The following RECK variants were observed in gnomAD, a reference collection of about 807,000 sequenced individuals.
The protein encoded by RECK is reversion inducing cysteine rich protein with kazal motifs, also known as reversion-inducing cysteine-rich protein with Kazal motifs.
In RECK, 69 loss-of-function variants were observed where a neutral mutation model predicts 115.1. The ratio of observed to expected loss-of-function variants is 0.60; its 90% CI spans 0.49 to 0.73. The LOEUF is 0.73. Among genes scored for constraint, RECK ranks in the 30% least tolerant of loss-of-function variants. The probability of loss-of-function intolerance (pLI) is 0.00; values close to 1 mark genes in which losing one functional copy is unlikely to be tolerated. For missense variants in RECK, 1,047 were observed against 1,203.7 expected (o/e 0.87, Z 1.93); for synonymous variants, 414 against 419.7 (o/e 0.99, Z 0.17).
In RECK at chr9:36,067,890, T is replaced by C. The variant is rs144716621; in HGVS notation, c.405+2266T>C. Among the ~76,000 whole-genome samples, 17 of 152,270 alleles carry C rather than the reference T, an allele frequency of 1.1e-4. No homozygotes were observed. The East Asian group carries it at 1.7e-3, about 16-fold the overall frequency. On this transcript the variant is annotated intron_variant, in intron 6 of 20. Transcript: ENST00000377966. ...AATGAGAGAGGCCTGAAAGGATTGG[T>C]ATAATTTGGGTAAAGACCTAAAGAC...
intron 1 of RECK, among the ~76,000 whole-genome samples, chr9:36,042,803 A>G (rs533126044): frequency 2.0e-5 from 3 of 152,200 alleles, no homozygotes; most frequent in Admixed American, 6.5e-5. Context: ...AGCAATGTAA[A>G]AGTGTTCCCT....
intron 6 of RECK, among the ~76,000 whole-genome samples, chr9:36,067,701 C>T (rs1822063049): frequency 6.6e-6 from 1 of 152,022 alleles, no homozygotes; most frequent in African/African-American, 2.4e-5. Flanking sequence ...TGGAAGCAGA[C>T]TTAGTTTAGA....
chr9:36,092,197 A>G (rs750613261), intron 10 of RECK, among the ~76,000 whole-genome samples: 16 of 152,184 alleles, frequency 1.1e-4, no homozygotes, highest in Non-Finnish European at 2.2e-4. Context: ...TACATCTGAA[A>G]TGTTTGAAAG....
intron 10 of RECK, among the ~76,000 whole-genome samples, chr9:36,099,006 G>A (rs1007267488): frequency 3.3e-5 from 5 of 152,058 alleles, no homozygotes; most frequent in Non-Finnish European, 4.4e-5. Flanking sequence ...TGAGCAGATC[G>A]CTTGGGCCCA....
Position 36,063,900 on chromosome 9 carries a change from C to T in RECK, c.357+20C>T, listed in dbSNP as rs1369010175. On this transcript the variant is annotated intron_variant, in intron 5 of 20. Coordinates refer to ENST00000377966, the MANE Select transcript of RECK (RefSeq NM_021111.3). ...AAGCAGGTAACACTGGGTAGTCAGG[C>T]TCTCAAACATCATGGAGTGCAGTTT... is the stretch of plus-strand genomic sequence containing the variant. The T allele has an allele frequency of 3.1e-6, 5 of 1,609,276 alleles. No homozygotes were observed. The Admixed American group carries it at 8.3e-5, about 27-fold the overall frequency.
intron 11 of RECK, 22 bp from the exon 12 acceptor site, chr9:36,102,072 T>C: frequency 6.2e-7 from 1 of 1,608,500 alleles, no homozygotes; most frequent in East Asian, 2.2e-5. Flanking sequence ...AGCTCTAAAC[T>C]TACGTGCATT....
chr9:36,058,897 C>T lies in RECK; in HGVS notation c.230C>T (p.Thr77Ile). The T allele has an allele frequency of 1.3e-6, 2 of 1,556,820 alleles. No homozygotes were observed. ...CGAGCCCCAGATTATTGCCCAGAGA[C>T]AATGGTAAGTCTTATTGTAACTTAA... ...LQRAPDYCPE[T>I]MVEIWNCMNS... The change falls in exon 3 of 21, where the codon ACA (threonine) becomes ATA (isoleucine). Residue 77 changes from threonine to isoleucine, a missense_variant. Thr to Ile is a moderately conservative substitution (Grantham distance 89). Coordinates refer to ENST00000377966, the MANE Select transcript of RECK (RefSeq NM_021111.3).
intron 17 of RECK, among the ~76,000 whole-genome samples, chr9:36,117,652 G>A (rs936613489): frequency 6.6e-6 from 1 of 152,288 alleles, no homozygotes; most frequent in Admixed American, 6.5e-5. Context: ...TTATCTCTCA[G>A]TTTTGTAGGT....
intron 14 of RECK, among the ~76,000 whole-genome samples, chr9:36,109,579 C>A (rs529990243): frequency 6.6e-6 from 1 of 152,340 alleles, no homozygotes; most frequent in East Asian, 1.9e-4. Context: ...CACAGTGGCT[C>A]ATGCTTGTTA....
chr9:36,049,151 AG>A (rs1303419463), intron 1 of RECK, among the ~76,000 whole-genome samples: 1 of 152,204 alleles, frequency 6.6e-6, no homozygotes, highest in East Asian at 1.9e-4. Context: ...TTATGGAATC[AG>A]GTGCATCATC....
chr9:36,119,961 G>A (rs1564139856), intron 18 of RECK, among the ~76,000 whole-genome samples: 4 of 152,170 alleles, frequency 2.6e-5, no homozygotes, highest in Admixed American at 2.6e-4. Context: ...TCGGTCGGGC[G>A]TGGTGGCTCA....
chr9:36,070,691 G>C (rs538950249), intron 6 of RECK, among the ~76,000 whole-genome samples: 1 of 152,104 alleles, frequency 6.6e-6, no homozygotes, highest in Non-Finnish European at 1.5e-5. Flanking sequence ...GGGGATTTTT[G>C]CAACAGACAG....
chr9:36,082,573 C>T (rs1382007493), intron 7 of RECK, among the ~76,000 whole-genome samples: 2 of 152,206 alleles, frequency 1.3e-5, no homozygotes, highest in East Asian at 3.8e-4. Flanking sequence ...ACAGATCCCA[C>T]ATCTGCACCC....
intron 6 of RECK, among the ~76,000 whole-genome samples, chr9:36,079,526 A>T (rs1180928232): frequency 3.3e-5 from 5 of 152,184 alleles, no homozygotes; most frequent in African/African-American, 1.2e-4. Flanking sequence ...CCTACAATGG[A>T]ATATTATTTA....
chr9:36,097,440 A>G (rs1216877247), intron 10 of RECK, among the ~76,000 whole-genome samples: 1 of 152,186 alleles, frequency 6.6e-6, no homozygotes, highest in Non-Finnish European at 1.5e-5. Context: ...GTTCAACATC[A>G]CTAATTATCA....
rs2132620121 is a variant in RECK at position 36,080,627 on chromosome 9, G to A, written c.428G>A (p.Ser143Asn). The part of the protein sequence containing the change: ...EYENALFSCI[S>N]RNEMGSVCCS... ...CAGAATGCTCTTTTCAGTTGCATTA[G>A]CAGAAATGAAAGTAAGTATATTTGT... Residue 143 changes from serine to asparagine, a missense_variant, in exon 7 of 21, where the codon AGC becomes AAC. Transcript: ENST00000377966. 6.2e-7 allele frequency: 1 copy of A among 1,609,832 alleles called. No individual in the cohort carries two copies. Among genetic ancestry groups the A allele is most frequent in the Non-Finnish European group, 8.5e-7 (1 of 1,177,778 alleles).
chr9:36,116,900 C>A, intron 16 of RECK, 85 bp from the exon 17 acceptor site: 2 of 1,067,372 alleles, frequency 1.9e-6, no homozygotes, highest in Non-Finnish European at 2.8e-6. Flanking sequence ...CTCTCTTCAG[C>A]CTCCTATCCC....
At chr9:36,102,265 CA>C in intron 12 of RECK, 35 bp downstream of exon 12, 2 of 1,531,426 alleles carry the variant, frequency 1.3e-6, no homozygotes, top group Non-Finnish European at 1.8e-6. Flanking sequence ...TTTTAGATTT[CA>C]AATACTTCTC....
At position 36,083,428 on chromosome 9, in the gene RECK, T is replaced by C; in HGVS notation, c.503T>C (p.Ile168Thr). 1 of 1,614,110 alleles carries C rather than the reference T, an allele frequency of 6.2e-7. No individual in the cohort carries two copies. The highest frequency in any genetic ancestry group is 2.2e-5 in the East Asian group (1 of 44,882). ...HTNCREYCQA[I>T]FRTDSSPGPS... ...AACTGCCGAGAATACTGTCAAGCCA[T>C]TTTTCGAACAGACTCTTCTCCTGGT... Residue 168 changes from isoleucine (I) to threonine (T), a missense_variant, in exon 8 of 21, where the codon ATT becomes ACT. Ile to Thr is a moderately conservative substitution (Grantham distance 89). Coordinates refer to ENST00000377966, the MANE Select transcript of RECK (RefSeq NM_021111.3).
Sources: gnomAD v4.1 joint callset for allele counts (sites outside exome capture counted in the v4.1 genomes callset) on GRCh38, gnomAD v4.1.1 for gene constraint, MANE v1.5 for transcripts, NCBI Gene and HGNC (gene_info 2026-07-23, HGNC 2026-07-21) for gene names.